Variants in MLLT3 observed in about 807,000 individuals in gnomAD.
MLLT3 encodes MLLT3 super elongation complex subunit, also known as protein AF-9.
A neutral mutation model predicts 53.2 loss-of-function variants in MLLT3; 4 were observed. The ratio of observed to expected loss-of-function variants is 0.08; its 90% confidence interval spans 0.04 to 0.17. The LOEUF (loss-of-function observed/expected upper bound fraction) is 0.17. MLLT3 is among the 10% of genes least tolerant of loss of function. The pLI is 1.00. For synonymous variants in MLLT3, 283 were observed against 230.6 expected (o/e 1.23, Z -2.06); for missense variants, 569 against 684.0 (o/e 0.83, Z 1.87).
intron 2 of MLLT3, among the ~76,000 whole-genome samples, chr9:20,556,470 G>C (rs966368802): frequency 7.9e-5 from 12 of 152,108 alleles, no homozygotes; most frequent in African/African-American, 2.9e-4. Flanking sequence ...GGATCACAAG[G>C]TAAGGAGTTC....
intron 2 of MLLT3, among the ~76,000 whole-genome samples, chr9:20,593,001 T>C (rs1023774542): frequency 6.6e-6 from 1 of 152,210 alleles, no homozygotes; most frequent in Admixed American, 6.5e-5. Context: ...CAACACTTGC[T>C]ACCAAAGCTG....
At chr9:20,559,705 A>G (rs958034412) in intron 2 of MLLT3, among the ~76,000 whole-genome samples, 1 of 152,190 alleles carries the variant, frequency 6.6e-6, no homozygotes, top group Non-Finnish European at 1.5e-5. Context: ...CATGTAGGAT[A>G]AATTACTCTG....
At chr9:20,350,542 C>A (rs1212430865) in intron 10 of MLLT3, among the ~76,000 whole-genome samples, 1 of 147,378 alleles carries the variant, frequency 6.8e-6, no homozygotes, top group South Asian at 2.2e-4. Context: ...TTGCAGTGAG[C>A]CGAGATCCCG....
At chr9:20,613,014 T>C (rs1820737925) in intron 2 of MLLT3, among the ~76,000 whole-genome samples, 1 of 152,190 alleles carries the variant, frequency 6.6e-6, no homozygotes. Flanking sequence ...GAAAATGACC[T>C]ATTTATTTCT....
chr9:20,521,456 A>ATGTGTG (rs1554634356), intron 2 of MLLT3, among the ~76,000 whole-genome samples: 128 of 114,120 alleles, frequency 1.1e-3, no homozygotes, highest in African/African-American at 4.0e-3. Flanking sequence ...CTGTGTGTGT[A>ATGTGTG]TATGTGTGTG....
chr9:20,562,195 C>T (rs1819234342), intron 2 of MLLT3, among the ~76,000 whole-genome samples: 1 of 152,076 alleles, frequency 6.6e-6, no homozygotes, highest in South Asian at 2.1e-4. Flanking sequence ...GACTCAGTAG[C>T]TTCCATAGTA....
chr9:20,462,861 A>G (rs1044382078), intron 2 of MLLT3, among the ~76,000 whole-genome samples: 6 of 152,100 alleles, frequency 3.9e-5, no homozygotes, highest in Non-Finnish European at 7.3e-5. Context: ...ATAGAGTAAG[A>G]CTGACAGTTG....
At chr9:20,525,998 T>A (rs954093852) in intron 2 of MLLT3, among the ~76,000 whole-genome samples, 1 of 152,070 alleles carries the variant, frequency 6.6e-6, no homozygotes, top group Non-Finnish European at 1.5e-5. Context: ...GTAGAAAGGG[T>A]GGTGGGAAGC....
chr9:20,511,444 C>A (rs1374392921), intron 2 of MLLT3, among the ~76,000 whole-genome samples: 1 of 152,132 alleles, frequency 6.6e-6, no homozygotes, highest in African/African-American at 2.4e-5. Context: ...CAATGAGTTA[C>A]AAGCTGGAAT....
intron 2 of MLLT3, among the ~76,000 whole-genome samples, chr9:20,504,890 T>C (rs539787288): frequency 6.6e-6 from 1 of 152,170 alleles, no homozygotes; most frequent in South Asian, 2.1e-4. Flanking sequence ...TTTTTTTAAG[T>C]AGAAAAACTT....
At chr9:20,391,657 G>A (rs757649764) in intron 5 of MLLT3, among the ~76,000 whole-genome samples, 33 of 152,038 alleles carry the variant, frequency 2.2e-4, no homozygotes, top group African/African-American at 6.8e-4. Flanking sequence ...TCCACTTTCC[G>A]TATTTACCTC....
intron 4 of MLLT3, among the ~76,000 whole-genome samples, chr9:20,435,350 A>T (rs186175770): frequency 0.016 from 2,360 of 151,854 alleles, 17 homozygotes; most frequent in Non-Finnish European, 0.021. Context: ...AGTGTTTTTT[A>T]AAAAAAAGAA....
chr9:20,365,920 A>G (rs1716732615), intron 5 of MLLT3, among the ~76,000 whole-genome samples, 176 bp from the exon 6 acceptor site: 1 of 152,172 alleles, frequency 6.6e-6, no homozygotes, highest in Non-Finnish European at 1.5e-5. Context: ...CTGTATTTTT[A>G]TTAGATGCAG....
rs555932856 is a variant in MLLT3, at chr9:20,345,528, CT to C, written c.*914del. On this transcript the variant is annotated 3_prime_UTR_variant, in exon 11 of 11. Transcript: ENST00000380338. ...TTTAAATGATGATCCTGTGGAATGC[CT>C]TTACTTCCATATTCACCTAATATTG... The C allele has an allele frequency of 3.3e-3, 669 of 201,284 alleles. 3 individuals carry two copies. The highest frequency in any genetic ancestry group is 8.3e-3 in the Middle Eastern group (5 of 604). 12.5% of individuals were successfully genotyped at this position (201,284 alleles called of 1,614,324 possible).
chr9:20,417,289 T>G (rs991441648), intron 4 of MLLT3, among the ~76,000 whole-genome samples: 1 of 148,028 alleles, frequency 6.8e-6, no homozygotes, highest in East Asian at 1.9e-4. Context: ...AGCCAGACAT[T>G]AAACTGTCAC....
At position 20,615,360 on chromosome 9, in the gene MLLT3, G is replaced by GAAAAAAAAA. The variant is rs10601830; in HGVS notation, c.193+5285_193+5293dup. ...CCTGGGTGACAGGGCCAGACCATGT[G>GAAAAAAAAA]AAAAAAAAAAAAAAAAAAAAAAAAA... is the stretch of plus-strand genomic sequence containing the variant. On this transcript the variant is annotated intron_variant, in intron 2 of 10. Coordinates refer to ENST00000380338, the MANE Select transcript of MLLT3 (RefSeq NM_004529.4). Among the ~76,000 whole-genome samples, 25 of 48,776 alleles carry GAAAAAAAAA rather than the reference G, an allele frequency of 5.1e-4. 1 individual carries two copies. Among genetic ancestry groups the GAAAAAAAAA allele is most frequent in the Admixed American group, 2.5e-3 (7 of 2,818 alleles). 32.0% of individuals were successfully genotyped at this position (48,776 alleles called of 152,430 possible).
rs200189522 is a variant in MLLT3 at position 20,346,402 on chromosome 9, A to T, written c.*41T>A. The T allele has an allele frequency of 1.4e-6, 2 of 1,459,054 alleles. No homozygotes were observed. The highest frequency in any genetic ancestry group is 2.9e-5 in the African/African-American group (2 of 69,410). The allele number at this position is 1,459,054 out of a possible 1,614,324, so 90.4% of individuals were successfully genotyped here. On this transcript the variant is annotated 3_prime_UTR_variant, in exon 11 of 11. Transcript: ENST00000380338. ...ACCAAAAAAAAAAAAAACCAAAAAA[A>T]AAAAACACAATAGTTCTTGATGCAT...
intron 8 of MLLT3, among the ~76,000 whole-genome samples, chr9:20,359,405 G>A (rs577529702): frequency 6.6e-6 from 1 of 152,150 alleles, no homozygotes; most frequent in Non-Finnish European, 1.5e-5. Flanking sequence ...CCTGAAGATG[G>A]GGAAGAGCCA....
intron 2 of MLLT3, among the ~76,000 whole-genome samples, chr9:20,582,676 T>C (rs551072812): frequency 9.2e-5 from 14 of 152,254 alleles, no homozygotes; most frequent in African/African-American, 3.1e-4. Context: ...AACACACTTC[T>C]TACATGGCAG....
Sources: gnomAD v4.1 joint callset for allele counts (sites outside exome capture counted in the v4.1 genomes callset) on GRCh38, gnomAD v4.1.1 for gene constraint, MANE v1.5 for transcripts, NCBI Gene and HGNC (gene_info 2026-07-23, HGNC 2026-07-21) for gene names.